Variants in TOMT observed in about 807,000 individuals in gnomAD.
TOMT encodes transmembrane O-methyltransferase.
Under a neutral mutation model 21.7 loss-of-function variants are expected in TOMT, and 23 were observed. That is an observed-to-expected ratio of 1.06 (90% CI 0.76 to 1.50). The LOEUF (loss-of-function observed/expected upper bound fraction) is 1.50. Ranked by LOEUF, TOMT falls within the 40% of genes most tolerant of loss-of-function variation. The pLI, the probability that TOMT is intolerant of heterozygous loss-of-function variation, is 0.00. For synonymous variants in TOMT, 132 were observed against 150.8 expected (o/e 0.88, Z 0.91); for missense variants, 331 against 348.7 (o/e 0.95, Z 0.41).
At chr11:72,108,458 T>C in intron 2 of TOMT, 147 bp from the exon 3 acceptor site, 2 of 665,506 alleles carry the variant, frequency 3.0e-6, no homozygotes, top group Non-Finnish European at 4.8e-6. Context: ...GATCCTGACT[T>C]CTTAGGTTCT....
At chr11:72,106,097 C>T (rs1040602177) in exon 1 of TOMT, 2 of 1,549,216 alleles carry the variant, frequency 1.3e-6, no homozygotes, top group South Asian at 1.2e-5. Context: ...GAGGAGCGGG[C>T]CTTCAGCTAC....
At position 72,108,616 on chromosome 11, in the gene TOMT, C is replaced by T. The variant is rs1025876059; in HGVS notation, c.468C>T (p.Ile156=). 19 of 1,470,458 alleles carry T rather than the reference C, an allele frequency of 1.3e-5. No homozygotes were observed. The highest frequency in any genetic ancestry group is 5.6e-5 in the South Asian group (4 of 71,592). The allele number at this position is 1,470,458 out of a possible 1,614,324, so 91.1% of individuals were successfully genotyped here. Reference sequence around the variant, plus strand: ...CCCTATCCCCACAGGTGGAGCTCATCGTGGGCAGCTCAGAGGACGTGATCC... The same window carrying T: ...CCCTATCCCCACAGGTGGAGCTCATTGTGGGCAGCTCAGAGGACGTGATCC... The change falls in exon 3 of 3, where the codon ATC becomes ATT. Residue 156 remains isoleucine, a synonymous_variant. Transcript: ENST00000541899.
intron 2 of TOMT, 143 bp from the exon 3 acceptor site, chr11:72,108,462 A>T: frequency 3.0e-6 from 2 of 673,018 alleles, no homozygotes; most frequent in South Asian, 2.7e-5. Context: ...CTGACTTCTT[A>T]GGTTCTGAGG....
rs78268954 is a variant in TOMT, at chr11:72,106,569, T to C, written c.259+359T>C. 527 of 174,512 alleles carry C rather than the reference T, an allele frequency of 3.0e-3. 5 individuals are homozygous for C. The highest frequency in any genetic ancestry group is 0.011 in the African/African-American group (468 of 42,442). The allele number at this position is 174,512 out of a possible 1,614,324, so 10.8% of individuals were successfully genotyped here. ...GTCTCCACATCTTTCCTCTCCACCA[T>C]GGAGGCTTCCACATACCATTTAGGG... On this transcript the variant is annotated intron_variant, in intron 1 of 2. Transcript: ENST00000541899.
chr11:72,108,856 C>A, exon 3 of TOMT: 2 of 1,550,672 alleles, frequency 1.3e-6, no homozygotes, highest in South Asian at 2.4e-5. Context: ...GCCTCCACCA[C>A]ACTGGCCTTC....
Position 72,106,203 on chromosome 11 carries a change from T to C in TOMT, c.252T>C (p.Pro84=), listed in dbSNP as rs1945683585. Residue 84 remains proline, a synonymous_variant, in exon 1 of 3, where the codon CCT becomes CCC. Coordinates refer to ENST00000541899, the Ensembl canonical transcript of TOMT. Reference sequence around the variant, plus strand: ...GCGAGTACTTGAGCCACATGGGGCCTGTCAAAGGTCAGTGTTCCCTAGCCT... The same window carrying C: ...GCGAGTACTTGAGCCACATGGGGCCCGTCAAAGGTCAGTGTTCCCTAGCCT... The C allele has an allele frequency of 2.0e-6, 3 of 1,492,902 alleles. No homozygotes were observed. In the African/African-American group the frequency reaches 4.2e-5, roughly 21 times the overall value. 92.5% of individuals were successfully genotyped at this position (1,492,902 alleles called of 1,614,324 possible).
chr11:72,108,368 G>A (rs1370819086), intron 2 of TOMT, among the ~76,000 whole-genome samples: 4 of 152,202 alleles, frequency 2.6e-5, no homozygotes, highest in Non-Finnish European at 4.4e-5. Flanking sequence ...CTCTTACTCT[G>A]CCTCTTGTTA....
intron 2 of TOMT, 24 bp from the exon 3 acceptor site, chr11:72,108,581 C>T: frequency 6.9e-7 from 1 of 1,439,618 alleles, no homozygotes; most frequent in South Asian, 1.5e-5. Flanking sequence ...CCACCCTCAC[C>T]TCCAGCTCCC....
intron 1 of TOMT, chr11:72,107,563 G>A: frequency 1.4e-6 from 1 of 702,274 alleles, no homozygotes; most frequent in Non-Finnish European, 2.6e-6. Context: ...TGTTTGGGAT[G>A]GCTGTGATAC....
exon 3 of TOMT, chr11:72,108,988 A>C: frequency 7.3e-7 from 1 of 1,372,316 alleles, no homozygotes; most frequent in Non-Finnish European, 9.7e-7. Flanking sequence ...GGGACCTCAA[A>C]ATCCCCTCCC....
downstream of TOMT, chr11:72,109,556 G>T: frequency 2.2e-6 from 1 of 453,534 alleles, no homozygotes; most frequent in Non-Finnish European, 4.1e-6. Flanking sequence ...ACTCCTCTGG[G>T]CCCCACCAAC....
At chr11:72,109,076 T>C (rs1335925790) in exon 3 of TOMT, 7 of 669,318 alleles carry the variant, frequency 1.0e-5, no homozygotes, top group Non-Finnish European at 1.5e-5. Context: ...TCTTTCAGCC[T>C]CTACACTGAC....
In TOMT at chr11:72,107,952, A is replaced by T. The variant is rs1268430122; in HGVS notation, c.289A>T (p.Lys97Ter). 4.5e-6 allele frequency: 7 copies of T among 1,551,426 alleles called. No individual in the cohort carries two copies. The highest frequency in any genetic ancestry group is 6.1e-6 in the Non-Finnish European group (7 of 1,146,958). ...GATCCTGATGCGGCTGGTGGAGGAG[A>T]AGGCCCCTGCTTGTGTGCTGGAATT... Residue 97 changes from lysine (K) to a stop codon, truncating the protein, a stop_gained, in exon 2 of 3, where the codon AAG becomes TAG. Transcript: ENST00000541899. LOFTEE classifies it high-confidence loss of function.
intron 2 of TOMT, among the ~76,000 whole-genome samples, chr11:72,108,327 G>T (rs1945932245): frequency 1.3e-5 from 2 of 152,228 alleles, no homozygotes; most frequent in African/African-American, 4.8e-5. Flanking sequence ...CTAAGAGGAA[G>T]GTCTCTGGAA....
intron 2 of TOMT, among the ~76,000 whole-genome samples, 178 bp downstream of exon 2, chr11:72,108,297 C>T (rs1306789980): frequency 6.6e-6 from 1 of 152,198 alleles, no homozygotes; most frequent in Non-Finnish European, 1.5e-5. Flanking sequence ...TTATTTTCTG[C>T]CGGATGACGA....
chr11:72,108,679 C>G (rs1945989858), exon 3 of TOMT: 4 of 1,540,720 alleles, frequency 2.6e-6, no homozygotes, highest in Non-Finnish European at 3.5e-6. Flanking sequence ...GTCGGGCAGA[C>G]CTGGTGCTCC....
At chr11:72,107,220 TC>T in intron 1 of TOMT, 1 of 558,560 alleles carries the variant, frequency 1.8e-6, no homozygotes, top group East Asian at 3.1e-5. Context: ...TGAGCCGTGA[TC>T]ATGCTACTGC....
At chr11:72,106,096 G>A in exon 1 of TOMT, 1 of 1,549,288 alleles carries the variant, frequency 6.5e-7, no homozygotes, top group Non-Finnish European at 8.7e-7. Context: ...CGAGGAGCGG[G>A]CCTTCAGCTA....
At chr11:72,109,398 T>G, downstream of TOMT, 1 of 459,052 alleles carries the variant, frequency 2.2e-6, no homozygotes, top group Non-Finnish European at 4.4e-6. Flanking sequence ...AATAGCTGGA[T>G]GCAAGCTGGG....
Sources: allele counts gnomAD v4.1 joint callset (sites outside exome capture counted in the v4.1 genomes callset), GRCh38; gene constraint gnomAD v4.1.1; transcripts MANE v1.5; gene names NCBI Gene and HGNC (gene_info 2026-07-23, HGNC 2026-07-21).